Variants in LYNX1 observed in about 807,000 individuals in gnomAD.
The protein encoded by LYNX1 is Ly6/neurotoxin 1, also known as ly-6/neurotoxin-like protein 1.
In LYNX1, 8 loss-of-function variants were observed where a neutral mutation model predicts 8.3. The observed-to-expected ratio is 0.97, with a 90% confidence interval of 0.57 to 1.74. The LOEUF (loss-of-function observed/expected upper bound fraction) is 1.74. Among genes scored for constraint, LYNX1 ranks in the 40% most tolerant of loss-of-function variants. LYNX1 has a pLI of 0.00. For missense variants in LYNX1, 158 were observed against 159.7 expected (o/e 0.99, Z 0.06); for synonymous variants, 73 against 67.9 (o/e 1.08, Z -0.37).
upstream of LYNX1, chr8:142,777,715 C>G (rs1216018045): frequency 1.0e-5 from 4 of 397,596 alleles, no homozygotes; most frequent in Non-Finnish European, 1.8e-5. Flanking sequence ...ATCTCCGACA[C>G]AGAGGCAGCC....
chr8:142,771,355 C>T lies in LYNX1; in HGVS notation c.*3812G>A, dbSNP rs761749639. The T allele has an allele frequency of 1.4e-4, 138 of 985,604 alleles. No individual in the cohort carries two copies. Among genetic ancestry groups the T allele is most frequent in the South Asian group, 3.3e-4 (7 of 21,288 alleles). 61.1% of individuals were successfully genotyped at this position (985,604 alleles called of 1,614,324 possible). A position where few individuals can be genotyped will look rare whatever the true frequency, so the allele number is the denominator to read the frequency against. On this transcript the variant is annotated 3_prime_UTR_variant, in exon 4 of 4. Coordinates refer to ENST00000652477, the MANE Select transcript of LYNX1 (RefSeq NM_177477.4). ...GGAGGGAGAGATGCCATCCATTCAG[C>T]GGGCACTTATGCCCACGACCAGCTG...
chr8:142,775,446 C>T (rs1412808596), intron 3 of LYNX1, 83 bp from the exon 4 acceptor site: 6 of 1,581,044 alleles, frequency 3.8e-6, no homozygotes, highest in Admixed American at 1.8e-5. Flanking sequence ...CCACAGCCAT[C>T]AGGGCAGGGC....
In LYNX1 at chr8:142,774,435, C is replaced by A; in HGVS notation, c.*732G>T. On this transcript the variant is annotated 3_prime_UTR_variant, in exon 4 of 4. Coordinates refer to ENST00000652477, the MANE Select transcript of LYNX1 (RefSeq NM_177477.4). ...AATATAGCATGGCCCTAGCTCCTGC[C>A]AGCTTCAGGCCTGGTGCCCTCCCCG... is the stretch of plus-strand genomic sequence containing the variant. The A allele has an allele frequency of 2.0e-6, 2 of 985,942 alleles. No homozygotes were observed. The highest frequency in any genetic ancestry group is 1.2e-6 in the Non-Finnish European group (1 of 830,188). The allele number at this position is 985,942 out of a possible 1,614,324, so 61.1% of individuals were successfully genotyped here. A position where few individuals can be genotyped will look rare whatever the true frequency, so the allele number is the denominator to read the frequency against.
At position 142,775,899 on chromosome 8, in the gene LYNX1, A is replaced by G. The variant is rs773524555; in HGVS notation, c.52+7T>C. On this transcript the variant is annotated splice_region_variant and intron_variant, in intron 2 of 3. Coordinates refer to ENST00000652477, the MANE Select transcript of LYNX1 (RefSeq NM_177477.4). ...CTGCCCATCCCTCTGTCCTTTGTCCATCTTACCCAGAGGTAAGCCCATGAG... is the reference window on the plus strand; with the variant it reads ...CTGCCCATCCCTCTGTCCTTTGTCCGTCTTACCCAGAGGTAAGCCCATGAG... The G allele has an allele frequency of 6.2e-7, 1 of 1,614,114 alleles. No individual in the cohort carries two copies. Among genetic ancestry groups the G allele is most frequent in the South Asian group, 1.1e-5 (1 of 91,084 alleles).
In LYNX1 at chr8:142,773,654, AC is replaced by A; in HGVS notation, c.*1512del. 4 of 985,102 alleles carry A rather than the reference AC, an allele frequency of 4.1e-6. No individual in the cohort carries two copies. The highest frequency in any genetic ancestry group is 4.8e-6 in the Non-Finnish European group (4 of 829,858). 61.0% of individuals were successfully genotyped at this position (985,102 alleles called of 1,614,324 possible). A position where few individuals can be genotyped will look rare whatever the true frequency, so the allele number is the denominator to read the frequency against. ...CTGCATATAGACTCACTGCAAGGAGACCCCTGGGGTGGAGACCCTCATTCCC... is the reference window on the plus strand; with the variant it reads ...CTGCATATAGACTCACTGCAAGGAGACCCTGGGGTGGAGACCCTCATTCCC... On this transcript the variant is annotated 3_prime_UTR_variant, in exon 4 of 4. Transcript: ENST00000652477.
At chr8:142,776,194 A>G in intron 1 of LYNX1, 73 bp from the exon 2 acceptor site, 2 of 564,846 alleles carry the variant, frequency 3.5e-6, no homozygotes, top group Non-Finnish European at 6.4e-6. Flanking sequence ...GGCAGGGATG[A>G]TGGTGGGCAG....
rs951150749 is a variant in LYNX1, at chr8:142,775,039, A to G, written c.*128T>C. ...GGAGGTCGGGTGTCTTCTTGCCCAC[A>G]GTCCTGACCCTGGGCATGGCTGAGG... On this transcript the variant is annotated 3_prime_UTR_variant, in exon 4 of 4. Transcript: ENST00000652477. 1.1e-5 allele frequency: 16 copies of G among 1,450,874 alleles called. No individual in the cohort carries two copies. The highest frequency in any genetic ancestry group is 1.1e-5 in the Non-Finnish European group (12 of 1,105,060). 89.9% of individuals were successfully genotyped at this position (1,450,874 alleles called of 1,614,324 possible).
chr8:142,773,360 G>T lies in LYNX1; in HGVS notation c.*1807C>A. ...GCTACAGCCACAACCACTGGGGGTA[G>T]GGGCGAGGGGAGTCCAGGCCCACCC... On this transcript the variant is annotated 3_prime_UTR_variant, in exon 4 of 4. Coordinates refer to ENST00000652477, the MANE Select transcript of LYNX1 (RefSeq NM_177477.4). 2.0e-6 allele frequency: 2 copies of T among 985,800 alleles called. No individual in the cohort carries two copies. Among genetic ancestry groups the T allele is most frequent in the Non-Finnish European group, 2.4e-6 (2 of 830,252 alleles). The allele number at this position is 985,800 out of a possible 1,614,324, so 61.1% of individuals were successfully genotyped here.
At position 142,771,900 on chromosome 8, in the gene LYNX1, C is replaced by T. The variant is rs978186287; in HGVS notation, c.*3267G>A. The T allele has an allele frequency of 5.7e-5, 56 of 985,832 alleles. No homozygotes were observed. In the Admixed American group the frequency reaches 6.1e-4, roughly 11 times the overall value. 61.1% of individuals were successfully genotyped at this position (985,832 alleles called of 1,614,324 possible). A position where few individuals can be genotyped will look rare whatever the true frequency, so the allele number is the denominator to read the frequency against. ...GACAGACCAGAGCTCCTGCTGGAGC[C>T]GGGTGTCCCCATGCTGACCTGGCCA... On this transcript the variant is annotated 3_prime_UTR_variant, in exon 4 of 4. Transcript: ENST00000652477.
rs1815296927 is a variant in LYNX1, at chr8:142,774,145, GCCCTCCCCACCCCA to G, written c.*1008_*1021del. 5.1e-6 allele frequency: 5 copies of G among 982,056 alleles called. No individual in the cohort carries two copies. Among genetic ancestry groups the G allele is most frequent in the South Asian group, 4.7e-5 (1 of 21,170 alleles). The allele number at this position is 982,056 out of a possible 1,614,324, so 60.8% of individuals were successfully genotyped here. A position where few individuals can be genotyped will look rare whatever the true frequency, so the allele number is the denominator to read the frequency against. On this transcript the variant is annotated 3_prime_UTR_variant, in exon 4 of 4. Transcript: ENST00000652477. Reference sequence around the variant, plus strand: ...GCTGCGGGGGAGGGGCTGGGTCTCCGCCCTCCCCACCCCACCCTCCCCACTCCCGCCCCCGCACG... The same window carrying G: ...GCTGCGGGGGAGGGGCTGGGTCTCCGCCCTCCCCACTCCCGCCCCCGCACG...
chr8:142,773,202 G>A lies in LYNX1; in HGVS notation c.*1965C>T, dbSNP rs1232617650. On this transcript the variant is annotated 3_prime_UTR_variant, in exon 4 of 4. Coordinates refer to ENST00000652477, the MANE Select transcript of LYNX1 (RefSeq NM_177477.4). ...CCGGTAAGCATCCCAAGGCATCGCT[G>A]GCTGCAGCTGAGAGGGCCTCATTTG... The A allele has an allele frequency of 3.0e-6, 3 of 985,472 alleles. No individual in the cohort carries two copies. The East Asian group carries it at 3.4e-4, about 112-fold the overall frequency. 61.0% of individuals were successfully genotyped at this position (985,472 alleles called of 1,614,324 possible). A position where few individuals can be genotyped will look rare whatever the true frequency, so the allele number is the denominator to read the frequency against.
Position 142,775,181 on chromosome 8 carries a change from A to C in LYNX1, c.337T>G (p.Trp113Gly), listed in dbSNP as rs1294361801. 6.2e-7 allele frequency: 1 copy of C among 1,611,720 alleles called. No individual in the cohort carries two copies. The highest frequency in any genetic ancestry group is 1.3e-5 in the African/African-American group (1 of 74,890). Reference sequence around the variant, plus strand: ...CCTCGGGGGCTTTAGAGGAGACCCCAGAGGGTGGCCAGGAGGATGGGGGCC... The same window carrying C: ...CCTCGGGGGCTTTAGAGGAGACCCCCGAGGGTGGCCAGGAGGATGGGGGCC... ...ALAPILLATL[W>G]GLL Residue 113 changes from tryptophan to glycine, a missense_variant, in exon 4 of 4, where the codon TGG (tryptophan) becomes GGG (glycine). By Grantham distance (184) the Trp-to-Gly change is radical. Transcript: ENST00000652477.
rs1815242196 is a variant in LYNX1, at chr8:142,772,886, G to A, written c.*2281C>T. 2.0e-6 allele frequency: 2 copies of A among 985,976 alleles called. No homozygotes were observed. The highest frequency in any genetic ancestry group is 2.4e-6 in the Non-Finnish European group (2 of 830,320). 61.1% of individuals were successfully genotyped at this position (985,976 alleles called of 1,614,324 possible). On this transcript the variant is annotated 3_prime_UTR_variant, in exon 4 of 4. Transcript: ENST00000652477. ...CTGGGACAGGTCAGGGTGGTGGAAA[G>A]GTGGACAGAAGGAGGCAGGAGGCAG...
Position 142,776,036 on chromosome 8 carries a change from A to G in LYNX1, c.-79T>C. On this transcript the variant is annotated 5_prime_UTR_variant, in exon 2 of 4. Transcript: ENST00000652477. Reference sequence around the variant, plus strand: ...TGGATCCAACTCAGGGGTGGCGCACAGAGGATCCAACTCAGGGTGGTGCGC... The same window carrying G: ...TGGATCCAACTCAGGGGTGGCGCACGGAGGATCCAACTCAGGGTGGTGCGC... 1 of 1,542,442 alleles carries G rather than the reference A, an allele frequency of 6.5e-7. No individual in the cohort carries two copies. The highest frequency in any genetic ancestry group is 8.9e-7 in the Non-Finnish European group (1 of 1,124,246).
At chr8:142,777,774 A>G (rs1342013489), upstream of LYNX1, 3 of 397,674 alleles carry the variant, frequency 7.5e-6, no homozygotes, top group African/African-American at 6.2e-5. Flanking sequence ...CAGCCCGGAC[A>G]CTCCGCAGGC....
rs1355480470 is a variant in LYNX1, at chr8:142,774,942, G to A, written c.*225C>T. 4.2e-6 allele frequency: 6 copies of A among 1,422,870 alleles called. No individual in the cohort carries two copies. The East Asian group carries it at 1.5e-4, about 36-fold the overall frequency. 88.1% of individuals were successfully genotyped at this position (1,422,870 alleles called of 1,614,324 possible). A position where few individuals can be genotyped will look rare whatever the true frequency, so the allele number is the denominator to read the frequency against. ...GCGAGGGGCTGATCAGCCCATCAAA[G>A]CCGGACACTTTTGGGATCCCACACA... is the stretch of plus-strand genomic sequence containing the variant. On this transcript the variant is annotated 3_prime_UTR_variant, in exon 4 of 4. Coordinates refer to ENST00000652477, the MANE Select transcript of LYNX1 (RefSeq NM_177477.4).
In LYNX1 at chr8:142,772,577, C is replaced by T; in HGVS notation, c.*2590G>A. ...ACTTCACCTCCCTGTGCCTCTGTGT[C>T]CTCCTCTGTCAAAGGGGCAAGATAA... On this transcript the variant is annotated 3_prime_UTR_variant, in exon 4 of 4. Coordinates refer to ENST00000652477, the MANE Select transcript of LYNX1 (RefSeq NM_177477.4). The T allele has an allele frequency of 2.0e-6, 2 of 985,572 alleles. No homozygotes were observed. Among genetic ancestry groups the T allele is most frequent in the Non-Finnish European group, 2.4e-6 (2 of 830,028 alleles). 61.1% of individuals were successfully genotyped at this position (985,572 alleles called of 1,614,324 possible). A position where few individuals can be genotyped will look rare whatever the true frequency, so the allele number is the denominator to read the frequency against.
Position 142,776,124 on chromosome 8 carries a change from G to T in LYNX1, c.-164-3C>A. 1.3e-6 allele frequency: 1 copy of T among 753,858 alleles called. No homozygotes were observed. The highest frequency in any genetic ancestry group is 2.2e-6 in the Non-Finnish European group (1 of 450,832). 46.7% of individuals were successfully genotyped at this position (753,858 alleles called of 1,614,324 possible). A position where few individuals can be genotyped will look rare whatever the true frequency, so the allele number is the denominator to read the frequency against. ...GGTCTACTGGGAGTGCTGCAACCCTGCACAGCAGGTGGCAAAGACAGGTGG... is the reference window on the plus strand; with the variant it reads ...GGTCTACTGGGAGTGCTGCAACCCTTCACAGCAGGTGGCAAAGACAGGTGG... On this transcript the variant is annotated splice_polypyrimidine_tract_variant and splice_region_variant and intron_variant, in intron 1 of 3. Transcript: ENST00000652477.
chr8:142,775,747 C>T (rs1815395422), intron 2 of LYNX1, 53 bp from the exon 3 acceptor site: 5 of 1,543,246 alleles, frequency 3.2e-6, no homozygotes, highest in Middle Eastern at 1.7e-4. Flanking sequence ...ACATGAGAGG[C>T]CCCTCCTCCA....
Sources: allele counts gnomAD v4.1 joint callset, GRCh38; gene constraint gnomAD v4.1.1; transcripts MANE v1.5; gene names NCBI Gene and HGNC (gene_info 2026-07-23, HGNC 2026-07-21).